FAT3: variants seen among roughly 807,000 people sequenced by gnomAD.
FAT3 encodes the protein FAT atypical cadherin 3, also known as protocadherin Fat 3.
In FAT3, 95 loss-of-function variants were observed where a neutral mutation model predicts 310.2. That is an observed-to-expected ratio of 0.31 (90% CI 0.26 to 0.36). The LOEUF (loss-of-function observed/expected upper bound fraction) is 0.36, where lower values mean the gene tolerates loss of function less well. Ranked by LOEUF, FAT3 falls within the 10% of genes least tolerant of loss-of-function variation. FAT3 has a pLI of 1.00. For missense variants in FAT3, 5,408 were observed against 5,715.6 expected (o/e 0.95, Z 1.74); for synonymous variants, 2,314 against 2,192.9 (o/e 1.06, Z -1.54).
In FAT3 at chr11:92,694,747, C is replaced by G. The variant is rs140123985; in HGVS notation, c.3608-2637C>G. Among the ~76,000 whole-genome samples the G allele has an allele frequency of 2.1e-3, 325 of 152,204 alleles. 1 individual carries two copies. Among genetic ancestry groups the G allele is most frequent in the African/African-American group, 7.4e-3 (307 of 41,522 alleles). On this transcript the variant is annotated intron_variant, in intron 3 of 27. Transcript: ENST00000525166. ...GGCCGGAAGAGCAGCAGGGTGAAGGCCAACAGCCCTTTGACTCATTTATAG... is the reference window on the plus strand; with the variant it reads ...GGCCGGAAGAGCAGCAGGGTGAAGGGCAACAGCCCTTTGACTCATTTATAG...
At chr11:92,577,946 G>C (rs1415218923) in intron 3 of FAT3, among the ~76,000 whole-genome samples, 1 of 152,074 alleles carries the variant, frequency 6.6e-6, no homozygotes, top group African/African-American at 2.4e-5. Flanking sequence ...GATGGAGAGA[G>C]AGAAGAGGAG....
chr11:92,676,390 C>T (rs1943289248), intron 3 of FAT3, among the ~76,000 whole-genome samples: 1 of 152,186 alleles, frequency 6.6e-6, no homozygotes, highest in African/African-American at 2.4e-5. Context: ...CTCAGTGTCA[C>T]ACAGAAATCA....
chr11:92,569,961 A>G (rs1368630689), intron 3 of FAT3, among the ~76,000 whole-genome samples: 1 of 152,052 alleles, frequency 6.6e-6, no homozygotes, highest in Non-Finnish European at 1.5e-5. Flanking sequence ...GTGATATGTT[A>G]TGGCTCTCTT....
intron 2 of FAT3, among the ~76,000 whole-genome samples, chr11:92,362,494 G>A (rs1948906723): frequency 6.6e-6 from 1 of 152,180 alleles, no homozygotes; most frequent in African/African-American, 2.4e-5. Context: ...ACCTAAGAAA[G>A]AAGGAGAGCC....
At chr11:92,268,482 T>A (rs1591031309) in intron 1 of FAT3, among the ~76,000 whole-genome samples, 1 of 150,958 alleles carries the variant, frequency 6.6e-6, no homozygotes, top group African/African-American at 2.4e-5. Context: ...TTTTTTTTTT[T>A]AATTTTTAAA....
intron 19 of FAT3, among the ~76,000 whole-genome samples, chr11:92,849,321 T>C (rs546040043): frequency 6.6e-6 from 1 of 152,318 alleles, no homozygotes; most frequent in African/African-American, 2.4e-5. Context: ...CTATTTTCTA[T>C]ATTCCTGGCA....
At chr11:92,705,909 G>A (rs1192148685) in intron 4 of FAT3, among the ~76,000 whole-genome samples, 1 of 76,880 alleles carries the variant, frequency 1.3e-5, no homozygotes, top group Non-Finnish European at 2.9e-5. Context: ...TGGTGATGGT[G>A]GTGGTTTGAT....
rs534120879 is a variant in FAT3 at position 92,399,520 on chromosome 11, T to C, written c.3292+44116T>C. Among the ~76,000 whole-genome samples, 124 of 152,330 alleles carry C rather than the reference T, an allele frequency of 8.1e-4. 1 individual carries two copies. Among genetic ancestry groups the C allele is most frequent in the African/African-American group, 2.9e-3 (119 of 41,576 alleles). On this transcript the variant is annotated intron_variant, in intron 2 of 27. Coordinates refer to ENST00000525166, the MANE Select transcript of FAT3 (RefSeq NM_001367949.2). ...TGAAATATTTAATTAAATTATAAAA[T>C]GTTGTTAACAAAACTGGCAAACTAG...
At chr11:92,356,567 A>C (rs1041945679) in intron 2 of FAT3, among the ~76,000 whole-genome samples, 1 of 152,126 alleles carries the variant, frequency 6.6e-6, no homozygotes, top group Non-Finnish European at 1.5e-5. Context: ...ACTTCTTTCC[A>C]TGTCACATGG....
intron 2 of FAT3, among the ~76,000 whole-genome samples, chr11:92,410,452 C>G (rs967119004): frequency 3.9e-5 from 6 of 152,166 alleles, no homozygotes; most frequent in African/African-American, 1.4e-4. Context: ...GAGCTTTAAC[C>G]TTGCTTCTGA....
chr11:92,346,681 C>T (rs1445882456), intron 1 of FAT3, among the ~76,000 whole-genome samples: 1 of 152,102 alleles, frequency 6.6e-6, no homozygotes, highest in African/African-American at 2.4e-5. Context: ...AACTCTTATA[C>T]TCCCCATTTT....
In FAT3 at chr11:92,890,754, C is replaced by T. The variant is rs1462449512; in HGVS notation, c.13411C>T (p.Pro4471Ser). 2 of 1,613,754 alleles carry T rather than the reference C, an allele frequency of 1.2e-6. No homozygotes were observed. The highest frequency in any genetic ancestry group is 2.7e-5 in the African/African-American group (2 of 74,928). The change falls in exon 28 of 28, where the codon CCT becomes TCT. Residue 4471 changes from proline (P) to serine (S), a missense_variant. By Grantham distance (74) the Pro-to-Ser change is moderately conservative. This residue lies in a region of FAT3 where 649 missense variants were observed against 666.2 expected (regional missense o/e 0.97). Coordinates refer to ENST00000525166, the MANE Select transcript of FAT3 (RefSeq NM_001367949.2). ...ATATGAGGCCCTGCCACCCTCCCAG[C>T]CTGTCTCCCTGGCCAGCACACTGAG... The part of the protein sequence containing the change: ...DQYEALPPSQ[P>S]VSLASTLSPD...
chr11:92,513,827 A>G (rs565769158), intron 2 of FAT3, among the ~76,000 whole-genome samples: 11 of 152,224 alleles, frequency 7.2e-5, no homozygotes, highest in Non-Finnish European at 2.9e-5. Context: ...TCCCAGCAGG[A>G]TGATTTTTAC....
chr11:92,682,768 G>T (rs1943517857), intron 3 of FAT3, among the ~76,000 whole-genome samples: 1 of 152,130 alleles, frequency 6.6e-6, no homozygotes. Context: ...AAGGGAATGG[G>T]GAGGAAGTGC....
intron 7 of FAT3, among the ~76,000 whole-genome samples, chr11:92,781,356 G>A (rs1010463405): frequency 1.3e-5 from 2 of 151,112 alleles, no homozygotes; most frequent in South Asian, 2.1e-4. Flanking sequence ...GAGCCACCGC[G>A]CCCGGCCATA....
chr11:92,229,510 TTTTG>T (rs1565339381), intron 1 of FAT3, among the ~76,000 whole-genome samples: 1,332 of 76,918 alleles, frequency 0.017, 113 homozygotes, highest in South Asian at 0.072. Context: ...TTTTTTTGTT[TTTTG>T]TTTTTTTTTA....
chr11:92,440,377 C>A (rs749625864), intron 2 of FAT3, among the ~76,000 whole-genome samples: 1 of 152,176 alleles, frequency 6.6e-6, no homozygotes, highest in Non-Finnish European at 1.5e-5. Context: ...TAACATCCTG[C>A]AGATTTATCC....
chr11:92,626,502 T>C (rs1941343456), intron 3 of FAT3, among the ~76,000 whole-genome samples: 2 of 152,066 alleles, frequency 1.3e-5, no homozygotes, highest in Admixed American at 1.3e-4. Context: ...AAAAATAACC[T>C]TGATGCTTTT....
chr11:92,812,917 A>G (rs1240850374), intron 13 of FAT3, among the ~76,000 whole-genome samples: 1 of 152,140 alleles, frequency 6.6e-6, no homozygotes, highest in Non-Finnish European at 1.5e-5. Flanking sequence ...GGTGGGAGGT[A>G]ATTTAATCAT....
Sources: gnomAD v4.1 joint callset for allele counts (sites outside exome capture counted in the v4.1 genomes callset) on GRCh38, gnomAD v4.1.1 for gene constraint, gnomAD v4.1.1 regional missense constraint, MANE v1.5 for transcripts, NCBI Gene and HGNC (gene_info 2026-07-23, HGNC 2026-07-21) for gene names.